Variants in SFMBT2 observed in about 807,000 individuals in gnomAD.
SFMBT2 encodes the protein scm-like with four MBT domains protein 2.
SFMBT2 carries 38 observed loss-of-function variants against 110.1 expected under a neutral mutation model. That is an observed-to-expected ratio of 0.35 (90% CI 0.27 to 0.45). The LOEUF (loss-of-function observed/expected upper bound fraction) is 0.45, where lower values mean the gene tolerates loss of function less well. Ranked by LOEUF, SFMBT2 falls within the 20% of genes least tolerant of loss-of-function variation. The pLI, the probability that SFMBT2 is intolerant of heterozygous loss-of-function variation, is 1.00. For synonymous variants in SFMBT2, 425 were observed against 425.4 expected, an observed-to-expected ratio of 1.00 and a Z score of 0.01; for missense variants, 1,011 against 1,094.9, an observed-to-expected ratio of 0.92 and a Z score of 1.08.
intron 1 of SFMBT2, among the ~76,000 whole-genome samples, chr10:7,383,491 A>G (rs1169667728): frequency 6.6e-6 from 1 of 152,238 alleles, no homozygotes; most frequent in East Asian, 1.9e-4. Flanking sequence ...AAGTGCATTG[A>G]GCTATCCACC....
In SFMBT2 at chr10:7,162,748, A is replaced by AGGGGGGG. The variant is rs1455143916; in HGVS notation, c.*1021_*1022insCCCCCCC. 1 of 152,230 alleles carries AGGGGGGG rather than the reference A, an allele frequency of 6.6e-6. No homozygotes were observed. The highest frequency in any genetic ancestry group is 1.5e-5 in the Non-Finnish European group (1 of 68,052). The allele number at this position is 152,230 out of a possible 1,614,324, so 9.4% of individuals were successfully genotyped here. A position where few individuals can be genotyped will look rare whatever the true frequency, so the allele number is the denominator to read the frequency against. On this transcript the variant is annotated 3_prime_UTR_variant, in exon 21 of 21. Transcript: ENST00000397167. ...TAAACAACAACACTGGAGATAGTTG[A>AGGGGGGG]GGGTCTAGAAAAGACTGGGTAGAGT... is the stretch of plus-strand genomic sequence containing the variant.
chr10:7,277,914 G>C (rs1422797286), intron 6 of SFMBT2, among the ~76,000 whole-genome samples: 1 of 152,174 alleles, frequency 6.6e-6, no homozygotes, highest in South Asian at 2.1e-4. Context: ...AGCATGAAGC[G>C]ATCTATTTTG....
In SFMBT2 at chr10:7,240,475, C is replaced by A. The variant is rs187938446; in HGVS notation, c.1120+3083G>T. ...ATTGTAAATAATGCTGCAAAAAAAA[C>A]AAACTTTTATGCAGATGATCTCTAC... On this transcript the variant is annotated intron_variant, in intron 9 of 20. Coordinates refer to ENST00000397167, the MANE Select transcript of SFMBT2 (RefSeq NM_001387889.1). Among the ~76,000 whole-genome samples the A allele has an allele frequency of 1.1e-4, 17 of 152,242 alleles. 1 individual carries two copies. In the East Asian group the frequency reaches 3.3e-3, roughly 29 times the overall value.
rs1301649576 is a variant in SFMBT2 at position 7,163,423 on chromosome 10, G to C, written c.*347C>G. ...GGTTTCTTCCTTGGCGACATTCTTT[G>C]TTTTCAAAGAATGCAGTCCTCATCT... is the stretch of plus-strand genomic sequence containing the variant. On this transcript the variant is annotated 3_prime_UTR_variant, in exon 21 of 21. Transcript: ENST00000397167. This position sits in a 1 kb window ranked among gnomAD's most constrained non-coding sequence, Gnocchi z 4.8. The C allele has an allele frequency of 4.7e-6, 1 of 211,790 alleles. No individual in the cohort carries two copies. Among genetic ancestry groups the C allele is most frequent in the African/African-American group, 2.3e-5 (1 of 43,182 alleles). The allele number at this position is 211,790 out of a possible 1,614,324, so 13.1% of individuals were successfully genotyped here.
intron 4 of SFMBT2, among the ~76,000 whole-genome samples, chr10:7,318,170 G>GAC (rs1843070570): frequency 6.6e-6 from 1 of 152,220 alleles, no homozygotes; most frequent in African/African-American, 2.4e-5. Flanking sequence ...AATTCATGGG[G>GAC]ACACAGGAGG....
chr10:7,407,957 C>A (rs1846263114), intron 1 of SFMBT2, among the ~76,000 whole-genome samples: 1 of 152,138 alleles, frequency 6.6e-6, no homozygotes, highest in African/African-American at 2.4e-5. Flanking sequence ...GGGCTCCTGC[C>A]CAGTCTCGGC....
intron 4 of SFMBT2, among the ~76,000 whole-genome samples, chr10:7,322,705 G>A (rs147982404): frequency 2.3e-4 from 35 of 152,170 alleles, no homozygotes; most frequent in African/African-American, 4.1e-4. Context: ...GTGGGGAGGC[G>A]AATGGACAAA....
intron 20 of SFMBT2, among the ~76,000 whole-genome samples, chr10:7,165,326 C>A (rs1031727843): frequency 1.6e-4 from 24 of 152,236 alleles, no homozygotes; most frequent in African/African-American, 5.5e-4. Flanking sequence ...GACTTTCGCA[C>A]AGGCAGCTTA....
rs775676323 is a variant in SFMBT2, at chr10:7,220,481, C to T, written c.1260G>A (p.Arg420=). ...KNMKLEAVNP[R]NPGELCVASV... ...AGGCCACACACAGTTCTCCTGGATT[C>T]CTGGGGTTCACAGCTTCAAGTTTCA... is the stretch of plus-strand genomic sequence containing the variant. The change falls in exon 11 of 21, where the codon AGG becomes AGA. Residue 420 remains arginine, a synonymous_variant. Coordinates refer to ENST00000397167, the MANE Select transcript of SFMBT2 (RefSeq NM_001387889.1). 3.1e-6 allele frequency: 5 copies of T among 1,614,026 alleles called. No homozygotes were observed. The highest frequency in any genetic ancestry group is 4.2e-6 in the Non-Finnish European group (5 of 1,180,026).
chr10:7,191,976 CTATGA>C (rs1022044902), intron 15 of SFMBT2, among the ~76,000 whole-genome samples: 1 of 151,962 alleles, frequency 6.6e-6, no homozygotes, highest in African/African-American at 2.4e-5. Flanking sequence ...TTATCCTATG[CTATGA>C]TAAGAAAGTT....
At chr10:7,314,288 T>C (rs1286758669) in intron 4 of SFMBT2, among the ~76,000 whole-genome samples, 1 of 152,258 alleles carries the variant, frequency 6.6e-6, no homozygotes, top group African/African-American at 2.4e-5. Context: ...TGTTTCCACT[T>C]GCTGCCTCGC....
intron 2 of SFMBT2, among the ~76,000 whole-genome samples, chr10:7,371,920 A>ATTTTTTTTTT (rs762872004): frequency 2.3e-4 from 18 of 77,734 alleles, no homozygotes; most frequent in South Asian, 5.6e-4. Context: ...TCCACCTGTA[A>ATTTTTTTTTT]TTTTTTTTTT....
chr10:7,227,763 A>C (rs1839937631), intron 10 of SFMBT2, 92 bp downstream of exon 10: 1 of 1,086,746 alleles, frequency 9.2e-7, no homozygotes, highest in Non-Finnish European at 1.4e-6. Context: ...GTAATACTCC[A>C]ACCGTGCTTC....
chr10:7,325,004 G>C (rs940215106), intron 4 of SFMBT2, among the ~76,000 whole-genome samples: 1 of 115,336 alleles, frequency 8.7e-6, no homozygotes, highest in African/African-American at 3.5e-5. Flanking sequence ...GTCTCGCTCT[G>C]TTGCCCAGGC....
intron 2 of SFMBT2, among the ~76,000 whole-genome samples, chr10:7,379,159 T>C (rs961475624): frequency 1.3e-5 from 2 of 152,118 alleles, no homozygotes; most frequent in Non-Finnish European, 2.9e-5. Flanking sequence ...TCATCGCGAG[T>C]CAGTTCAGAA....
chr10:7,177,868 AAAGAAG>A (rs1554781753), intron 16 of SFMBT2, among the ~76,000 whole-genome samples: 10 of 151,124 alleles, frequency 6.6e-5, no homozygotes, highest in Admixed American at 2.0e-4. Context: ...TTAAAAAAAA[AAAGAAG>A]AAGAAGAAGA....
At chr10:7,233,531 G>C (rs1237365414) in intron 9 of SFMBT2, among the ~76,000 whole-genome samples, 1 of 152,168 alleles carries the variant, frequency 6.6e-6, no homozygotes, top group Admixed American at 6.5e-5. Flanking sequence ...TTAGTTTTCA[G>C]TTCCACCTCC....
intron 11 of SFMBT2, chr10:7,215,607 C>T: frequency 1.0e-6 from 1 of 985,420 alleles, no homozygotes; most frequent in African/African-American, 1.7e-5. Flanking sequence ...AACCTGGGTT[C>T]ACCTGCATGG....
At chr10:7,231,803 A>C (rs1378768743) in intron 9 of SFMBT2, among the ~76,000 whole-genome samples, 1 of 152,086 alleles carries the variant, frequency 6.6e-6, no homozygotes, top group Non-Finnish European at 1.5e-5. Flanking sequence ...TCACTTCATC[A>C]TTTCAAATTC....
Sources: gnomAD v4.1 joint callset for allele counts (sites outside exome capture counted in the v4.1 genomes callset) on GRCh38, gnomAD v4.1.1 for gene constraint, Gnocchi (gnomAD v3.1) non-coding constraint, MANE v1.5 for transcripts, NCBI Gene and HGNC (gene_info 2026-07-23, HGNC 2026-07-21) for gene names.